LARP4B: variants seen among roughly 807,000 people sequenced by gnomAD.
LARP4B encodes La ribonucleoprotein 4B.
LARP4B carries 12 observed loss-of-function variants against 89.8 expected under a neutral mutation model. That is an observed-to-expected ratio of 0.13 (90% CI 0.09 to 0.22). The LOEUF (loss-of-function observed/expected upper bound fraction) is 0.22, where lower values mean the gene tolerates loss of function less well. Ranked by LOEUF, LARP4B falls within the 10% of genes least tolerant of loss-of-function variation. The probability of loss-of-function intolerance (pLI) is 1.00; values close to 1 mark genes in which losing one functional copy is unlikely to be tolerated. For synonymous variants in LARP4B, 367 were observed against 363.3 expected (o/e 1.01, Z -0.12); for missense variants, 757 against 947.7 (o/e 0.80, Z 2.64).
intron 5 of LARP4B, among the ~76,000 whole-genome samples, chr10:860,466 C>G (rs1169043932): frequency 6.6e-6 from 1 of 152,144 alleles, no homozygotes; most frequent in African/African-American, 2.4e-5. Flanking sequence ...TACTCCATTC[C>G]TAGGTATTTT....
the LARP4B span, among the ~76,000 whole-genome samples, chr10:969,208 G>A: frequency 1.3e-5 from 2 of 152,138 alleles, no homozygotes; most frequent in East Asian, 3.8e-4. Context: ...GGGAAAAAAT[G>A]GTTCCTTTTA....
intron 3 of LARP4B, among the ~76,000 whole-genome samples, chr10:875,277 T>C (rs1298848987): frequency 6.6e-6 from 1 of 152,208 alleles, no homozygotes; most frequent in Non-Finnish European, 1.5e-5. Context: ...AGTTTTCTCA[T>C]TTGTAAAATG....
intron 1 of LARP4B, among the ~76,000 whole-genome samples, chr10:888,493 C>T (rs1166519761): frequency 6.6e-6 from 1 of 152,182 alleles, no homozygotes; most frequent in African/African-American, 2.4e-5. Flanking sequence ...TGGAAACTGA[C>T]TTCAAGCGAA....
chr10:835,504 A>G (rs1235933352), intron 8 of LARP4B, among the ~76,000 whole-genome samples: 2 of 152,190 alleles, frequency 1.3e-5, no homozygotes, highest in Non-Finnish European at 2.9e-5. Flanking sequence ...CTGAGGTAGG[A>G]TAAACTAAGT....
At chr10:897,837 A>C (rs557820575) in intron 1 of LARP4B, among the ~76,000 whole-genome samples, 1 of 152,040 alleles carries the variant, frequency 6.6e-6, no homozygotes, top group South Asian at 2.1e-4. Context: ...AAAATGCAAA[A>C]GTTAGGCAGG....
Position 862,545 on chromosome 10 carries a change from G to A in LARP4B, c.430+1198C>T, listed in dbSNP as rs546721774. Among the ~76,000 whole-genome samples the A allele has an allele frequency of 5.1e-3, 784 of 152,252 alleles. 5 individuals carry two copies. Among genetic ancestry groups the A allele is most frequent in the Non-Finnish European group, 7.1e-3 (481 of 68,012 alleles). On this transcript the variant is annotated intron_variant, in intron 5 of 17. Coordinates refer to ENST00000316157, the MANE Select transcript of LARP4B (RefSeq NM_015155.3). ...AGAGGCCGAGGCGGGCAGATCACAAGGTCAGGAGATCGAGACCATCCTGGC... is the reference window on the plus strand; with the variant it reads ...AGAGGCCGAGGCGGGCAGATCACAAAGTCAGGAGATCGAGACCATCCTGGC...
chr10:962,907 C>A, the LARP4B span, among the ~76,000 whole-genome samples: 2 of 152,084 alleles, frequency 1.3e-5, no homozygotes, highest in African/African-American at 4.8e-5. Context: ...ACCTGAACTC[C>A]AGATGAGACC....
rs567923276 is a variant in LARP4B, at chr10:817,757, A to G, written c.1663T>C (p.Ser555Pro). The G allele has an allele frequency of 8.5e-5, 137 of 1,614,192 alleles. 2 individuals are homozygous for G. The South Asian group carries it at 1.4e-3, about 17-fold the overall frequency. Residue 555 changes from serine to proline, a missense_variant, in exon 15 of 18, where the codon TCT (serine) becomes CCT (proline). Coordinates refer to ENST00000316157, the MANE Select transcript of LARP4B (RefSeq NM_015155.3). ...KTEDLFENRL[S>P]SLIIGPSKER... ...TTGGATGGTCCTATTATCAAGCTAG[A>G]TAGCCTGTTTTCAAACAAGTCCTCT...
At chr10:824,663 C>T (rs1037902020) in intron 13 of LARP4B, among the ~76,000 whole-genome samples, 12 of 152,354 alleles carry the variant, frequency 7.9e-5, no homozygotes, top group African/African-American at 2.2e-4. Flanking sequence ...CCTGGTTACC[C>T]GCTCCAGGCT....
intron 5 of LARP4B, among the ~76,000 whole-genome samples, chr10:849,725 A>G (rs1400070864): frequency 6.6e-6 from 1 of 152,254 alleles, no homozygotes; most frequent in Non-Finnish European, 1.5e-5. Flanking sequence ...ATCAAGATCA[A>G]CACCAACAGT....
chr10:887,858 A>G (rs1276696829), intron 1 of LARP4B, among the ~76,000 whole-genome samples: 3 of 147,698 alleles, frequency 2.0e-5, no homozygotes, highest in Non-Finnish European at 3.0e-5. Flanking sequence ...ACCCCAATCT[A>G]CTAAAAATAC....
At chr10:944,437 A>C in the LARP4B span, among the ~76,000 whole-genome samples, 1 of 152,160 alleles carries the variant, frequency 6.6e-6, no homozygotes, top group Non-Finnish European at 1.5e-5. Flanking sequence ...TTGGGTTTGC[A>C]TGTCAACCCC....
At chr10:816,897 C>T (rs1051941414) in intron 15 of LARP4B, among the ~76,000 whole-genome samples, 1 of 152,116 alleles carries the variant, frequency 6.6e-6, no homozygotes, top group African/African-American at 2.4e-5. Context: ...CCCTAAAGCC[C>T]AGGGTGGAAG....
intron 8 of LARP4B, 73 bp downstream of exon 8, chr10:836,330 G>C: frequency 9.1e-7 from 1 of 1,095,068 alleles, no homozygotes; most frequent in Non-Finnish European, 1.4e-6. Flanking sequence ...AAACACAAAA[G>C]TAAAATAAAA....
the LARP4B span, among the ~76,000 whole-genome samples, chr10:966,995 C>A: frequency 6.6e-6 from 1 of 152,234 alleles, no homozygotes; most frequent in Non-Finnish European, 1.5e-5. Flanking sequence ...GCGTTCGAAC[C>A]CTTTCCTTTG....
At chr10:962,474 G>A in the LARP4B span, among the ~76,000 whole-genome samples, 294 of 152,232 alleles carry the variant, frequency 1.9e-3, 1 homozygote, top group African/African-American at 6.6e-3. Context: ...AAGAGTGCAA[G>A]GGAGAGGTCA....
chr10:986,019 C>T, the LARP4B span: 2 of 152,158 alleles, frequency 1.3e-5, no homozygotes, highest in Admixed American at 1.3e-4. Flanking sequence ...GCCGACGGGC[C>T]CAATGGAGCA....
chr10:916,250 T>C lies in LARP4B; in HGVS notation c.-40+15178A>G, dbSNP rs145961965. On this transcript the variant is annotated intron_variant, in intron 1 of 17. Coordinates refer to ENST00000316157, the MANE Select transcript of LARP4B (RefSeq NM_015155.3). ...AATAACCAAATTTCCTTGTAAATTG[T>C]GTCTTTAACTGTAGCTACTCTAAGT... 5.0e-3 allele frequency among the ~76,000 whole-genome samples: 763 copies of C among 152,358 alleles called. 4 individuals are homozygous for C. The highest frequency in any genetic ancestry group is 8.7e-3 in the Non-Finnish European group (592 of 68,030).
intron 1 of LARP4B, among the ~76,000 whole-genome samples, chr10:929,198 C>T (rs915608929): frequency 1.5e-4 from 23 of 151,992 alleles, no homozygotes; most frequent in Admixed American, 6.6e-5. Context: ...GTTTTCTCTG[C>T]CCAGATACAT....
Sources: allele counts gnomAD v4.1 joint callset (sites outside exome capture counted in the v4.1 genomes callset), GRCh38; gene constraint gnomAD v4.1.1; transcripts MANE v1.5; gene names NCBI Gene and HGNC (gene_info 2026-07-23, HGNC 2026-07-21).